ADCY9: variants seen among roughly 807,000 people sequenced by gnomAD.
The protein encoded by ADCY9 is adenylate cyclase 9, also known as adenylate cyclase type 9.
ADCY9 carries 50 observed loss-of-function variants against 101.5 expected under a neutral mutation model. The observed-to-expected ratio is 0.49, with a 90% confidence interval of 0.39 to 0.62. The LOEUF (loss-of-function observed/expected upper bound fraction) is 0.62, where lower values mean the gene tolerates loss of function less well. Among genes scored for constraint, ADCY9 ranks in the 20% least tolerant of loss-of-function variants. The probability of loss-of-function intolerance (pLI) is 0.00; values close to 1 mark genes in which losing one functional copy is unlikely to be tolerated. For missense variants in ADCY9, 1,662 were observed against 1,800.4 expected (o/e 0.92, Z 1.39); for synonymous variants, 905 against 769.3 (o/e 1.18, Z -2.92).
chr16:3,998,193 A>G (rs983578380), intron 3 of ADCY9, among the ~76,000 whole-genome samples: 6 of 152,170 alleles, frequency 3.9e-5, no homozygotes, highest in South Asian at 2.1e-4. Context: ...TGAGCCCAGG[A>G]GTTTGAGATC....
At position 4,082,876 on chromosome 16, in the gene ADCY9, G is replaced by A. The variant is rs1027050865; in HGVS notation, c.1693+30874C>T. Among the ~76,000 whole-genome samples, 7 of 152,228 alleles carry A rather than the reference G, an allele frequency of 4.6e-5. No homozygotes were observed. In the East Asian group the frequency reaches 5.8e-4, roughly 13 times the overall value. On this transcript the variant is annotated intron_variant, in intron 2 of 10. Coordinates refer to ENST00000294016, the MANE Select transcript of ADCY9 (RefSeq NM_001116.4). Reference sequence around the variant, plus strand: ...TAAGGAGGATGTGGCACATGGCCCCGCCTTGGCCAAAGGGAGCTGAGAGAT... The same window carrying A: ...TAAGGAGGATGTGGCACATGGCCCCACCTTGGCCAAAGGGAGCTGAGAGAT...
intron 7 of ADCY9, 133 bp from the exon 8 acceptor site, chr16:3,979,408 A>T (rs1229143909): frequency 2.8e-6 from 3 of 1,072,778 alleles, no homozygotes; most frequent in Non-Finnish European, 4.0e-6. Context: ...GCGTGAGAGC[A>T]GGCGTGGGGT....
At chr16:3,993,337 C>T in intron 4 of ADCY9, 69 bp downstream of exon 4, 1 of 1,592,966 alleles carries the variant, frequency 6.3e-7, no homozygotes, top group Non-Finnish European at 8.6e-7. Flanking sequence ...GTCGACAAGA[C>T]AGGAATGTCA....
chr16:4,089,503 C>G (rs909007394), intron 2 of ADCY9, among the ~76,000 whole-genome samples: 1 of 152,028 alleles, frequency 6.6e-6, no homozygotes, highest in Non-Finnish European at 1.5e-5. Flanking sequence ...GCTGTTTCCA[C>G]TTTTTGGCAA....
chr16:4,102,958 G>A (rs891329858), intron 2 of ADCY9, among the ~76,000 whole-genome samples: 4 of 152,152 alleles, frequency 2.6e-5, no homozygotes, highest in South Asian at 2.1e-4. Flanking sequence ...TTGACCTCAG[G>A]TGATCCACCC....
chr16:4,068,113 T>A (rs953537123), intron 2 of ADCY9, among the ~76,000 whole-genome samples: 1 of 152,096 alleles, frequency 6.6e-6, no homozygotes, highest in Non-Finnish European at 1.5e-5. Context: ...AAATAAAAAA[T>A]GCATAGAACA....
chr16:3,974,816 T>A, intron 9 of ADCY9, 106 bp from the exon 10 acceptor site: 2 of 901,698 alleles, frequency 2.2e-6, no homozygotes, highest in Non-Finnish European at 3.6e-6. Context: ...TTAGACGTGG[T>A]TGTACATCCA....
At chr16:3,954,927 C>T (rs960948396) in intron 5 of ADCY9, among the ~76,000 whole-genome samples, 2 of 152,110 alleles carry the variant, frequency 1.3e-5, no homozygotes, top group African/African-American at 2.4e-5. Context: ...ACAAACTTAG[C>T]GTACTAGAAC....
chr16:4,097,453 C>CATATATATATATATATAT (rs71394653), intron 2 of ADCY9, among the ~76,000 whole-genome samples: 2 of 71,058 alleles, frequency 2.8e-5, no homozygotes, highest in African/African-American at 5.3e-5. Flanking sequence ...TGTGGAGTTA[C>CATATATATATATATATAT]ATATATATAT....
intron 5 of ADCY9, among the ~76,000 whole-genome samples, chr16:3,955,091 T>TAGTG (rs1395393539): frequency 6.6e-6 from 1 of 151,950 alleles, no homozygotes; most frequent in East Asian, 1.9e-4. Flanking sequence ...GAAAAGTAAA[T>TAGTG]AGTGACCCAG....
Position 4,012,147 on chromosome 16 carries a change from G to C in ADCY9, c.1694-4589C>G, listed in dbSNP as rs535352675. Among the ~76,000 whole-genome samples the C allele has an allele frequency of 9.4e-4, 143 of 152,194 alleles. 1 individual carries two copies. The highest frequency in any genetic ancestry group is 3.3e-4 in the Admixed American group (5 of 15,282). The stretch of plus-strand genomic sequence containing the variant: ...CCATAGTGATAACATGATCCTACTA[G>C]CTTTACGAAGGTCAAACACACCTCC... On this transcript the variant is annotated intron_variant, in intron 2 of 10. Coordinates refer to ENST00000294016, the MANE Select transcript of ADCY9 (RefSeq NM_001116.4).
At chr16:4,019,995 T>C (rs1006385793) in intron 2 of ADCY9, among the ~76,000 whole-genome samples, 9 of 152,038 alleles carry the variant, frequency 5.9e-5, no homozygotes, top group Non-Finnish European at 1.3e-4. Context: ...TAAGAATCAC[T>C]TGAACCCAGT....
At chr16:4,050,699 G>A (rs2056695412) in intron 2 of ADCY9, among the ~76,000 whole-genome samples, 1 of 98,946 alleles carries the variant, frequency 1.0e-5, no homozygotes, top group South Asian at 3.9e-4. Context: ...GGCAACAAGA[G>A]TGAAACTCCG....
intron 2 of ADCY9, among the ~76,000 whole-genome samples, chr16:4,018,172 T>C (rs927988989): frequency 6.6e-6 from 1 of 151,922 alleles, no homozygotes; most frequent in Non-Finnish European, 1.5e-5. Context: ...GTAAACATCA[T>C]ATCATGCAAA....
chr16:4,084,838 C>A (rs1447927029), intron 2 of ADCY9, among the ~76,000 whole-genome samples: 2 of 152,120 alleles, frequency 1.3e-5, no homozygotes, highest in Admixed American at 6.5e-5. Context: ...AGAAACCCAA[C>A]AAGGAACGAC....
chr16:4,108,385 T>TTTTTTC (rs2057091933), intron 2 of ADCY9, among the ~76,000 whole-genome samples: 1 of 144,252 alleles, frequency 6.9e-6, no homozygotes, highest in African/African-American at 2.6e-5. Context: ...TTTTTTTTTT[T>TTTTTTC]TTTTTGGCGA....
intron 2 of ADCY9, among the ~76,000 whole-genome samples, chr16:4,093,627 T>C (rs990431605): frequency 2.6e-5 from 4 of 152,164 alleles, no homozygotes; most frequent in African/African-American, 9.7e-5. Context: ...CGTGTTGGCA[T>C]GCGCCTGCAG....
At chr16:4,039,995 C>T (rs896029743) in intron 2 of ADCY9, among the ~76,000 whole-genome samples, 17 of 152,146 alleles carry the variant, frequency 1.1e-4, no homozygotes, top group Non-Finnish European at 1.9e-4. Flanking sequence ...CCCATGATTG[C>T]ACCACTGCAC....
At chr16:4,047,406 A>T (rs2056672434) in intron 2 of ADCY9, among the ~76,000 whole-genome samples, 1 of 151,938 alleles carries the variant, frequency 6.6e-6, no homozygotes, top group African/African-American at 2.4e-5. Context: ...AGTAAATAAA[A>T]TTCTGTGATG....
Sources: allele counts gnomAD v4.1 joint callset (sites outside exome capture counted in the v4.1 genomes callset), GRCh38; gene constraint gnomAD v4.1.1; transcripts MANE v1.5; gene names NCBI Gene and HGNC (gene_info 2026-07-23, HGNC 2026-07-21).